The following ZNF215 variants were observed in gnomAD, a reference collection of about 807,000 sequenced individuals.
ZNF215 encodes BWSCR2-associated zinc finger protein 2.
ZNF215 carries 24 observed loss-of-function variants against 27.2 expected under a neutral mutation model. That is an observed-to-expected ratio of 0.88 (90% CI 0.64 to 1.24). ZNF215 has a LOEUF of 1.24. Among genes scored for constraint, ZNF215 ranks in the 50% most tolerant of loss-of-function variants. The pLI is 0.00. For synonymous variants in ZNF215, 210 were observed against 204.0 expected (o/e 1.03, Z -0.25); for missense variants, 675 against 605.7 (o/e 1.11, Z -1.20).
chr11:6,966,914 A>G (rs983415484), intron 5 of ZNF215, among the ~76,000 whole-genome samples: 4 of 151,810 alleles, frequency 2.6e-5, no homozygotes, highest in South Asian at 2.1e-4. Flanking sequence ...GCATCCATCA[A>G]CTCGTCATCT....
intron 5 of ZNF215, among the ~76,000 whole-genome samples, chr11:6,968,774 G>T (rs1462221883): frequency 2.0e-5 from 3 of 151,986 alleles, no homozygotes; most frequent in African/African-American, 7.2e-5. Flanking sequence ...GCTGAGGTGG[G>T]AGGATCACCT....
intron 5 of ZNF215, among the ~76,000 whole-genome samples, chr11:6,982,567 A>G (rs1220729683): frequency 1.3e-5 from 2 of 152,248 alleles, no homozygotes; most frequent in African/African-American, 4.8e-5. Flanking sequence ...CTCTCAGACC[A>G]CAATGCAATC....
intron 6 of ZNF215, among the ~76,000 whole-genome samples, chr11:6,946,086 T>C (rs1849806219): frequency 6.6e-6 from 1 of 152,162 alleles, no homozygotes; most frequent in South Asian, 2.1e-4. Flanking sequence ...TTCTCTAATA[T>C]TTGTTCCTAT....
intron 3 of ZNF215, 54 bp from the exon 4 acceptor site, chr11:6,941,517 A>G: frequency 6.8e-7 from 1 of 1,474,316 alleles, no homozygotes; most frequent in Non-Finnish European, 9.4e-7. Flanking sequence ...TAATTATTAG[A>G]AGTTGCTCCA....
chr11:6,932,136 G>A lies in ZNF215; in HGVS notation c.-137G>A. Reference sequence around the variant, plus strand: ...TATTGGCTTTGTGTCTAAAGTTTCTGGAACTTTCCTCCTTACCGTGAAATA... The same window carrying A: ...TATTGGCTTTGTGTCTAAAGTTTCTAGAACTTTCCTCCTTACCGTGAAATA... On this transcript the variant is annotated 5_prime_UTR_variant, in exon 3 of 7. Transcript: ENST00000278319. The A allele has an allele frequency of 2.7e-6, 3 of 1,126,354 alleles. No homozygotes were observed. The allele number at this position is 1,126,354 out of a possible 1,614,324, so 69.8% of individuals were successfully genotyped here.
intron 5 of ZNF215, among the ~76,000 whole-genome samples, chr11:6,966,306 A>C (rs114748893): frequency 0.01 from 1,533 of 152,252 alleles, 29 homozygotes; most frequent in African/African-American, 0.035. Context: ...AGTAGAGAAC[A>C]GTAGACATCG....
chr11:6,969,531 T>G (rs999540376), intron 5 of ZNF215, among the ~76,000 whole-genome samples: 4 of 152,164 alleles, frequency 2.6e-5, no homozygotes, highest in Non-Finnish European at 5.9e-5. Flanking sequence ...ATTTTGACTT[T>G]GGAATCATAT....
intron 5 of ZNF215, among the ~76,000 whole-genome samples, chr11:6,983,011 CA>C (rs1216880056): frequency 4.0e-5 from 6 of 149,246 alleles, no homozygotes; most frequent in Non-Finnish European, 8.9e-5. Flanking sequence ...AGACCACTAG[CA>C]AGACTAATAA....
chr11:6,982,149 G>C (rs560516195), intron 5 of ZNF215, among the ~76,000 whole-genome samples: 7 of 152,030 alleles, frequency 4.6e-5, no homozygotes, highest in Non-Finnish European at 8.8e-5. Flanking sequence ...TGTGAAGAAA[G>C]TCATTGGTAG....
chr11:6,979,193 C>CT (rs1850895963), intron 5 of ZNF215, among the ~76,000 whole-genome samples: 1 of 151,992 alleles, frequency 6.6e-6, no homozygotes, highest in South Asian at 2.1e-4. Context: ...TTGTCCAACT[C>CT]TATGATACTG....
At chr11:6,993,794 G>T (rs548373577), downstream of ZNF215, among the ~76,000 whole-genome samples, 1 of 152,142 alleles carries the variant, frequency 6.6e-6, no homozygotes, top group African/African-American at 2.4e-5. Context: ...CAATTTATTT[G>T]TAACCCAAAT....
downstream of ZNF215, among the ~76,000 whole-genome samples, chr11:6,958,454 C>T (rs1008910610): frequency 2.0e-5 from 3 of 152,168 alleles, no homozygotes; most frequent in African/African-American, 7.2e-5. Context: ...CTAAGTTTAA[C>T]ATAACATAGT....
At position 6,943,070 on chromosome 11, in the gene ZNF215, C is replaced by T. The variant is rs746332312; in HGVS notation, c.484-13C>T. On this transcript the variant is annotated splice_polypyrimidine_tract_variant and intron_variant, in intron 4 of 6. Transcript: ENST00000278319. ...AGTGACACCTTTGATTAAAAAGGAA[C>T]TTAATGTTTTAGGAACCAGTGACAT... 6.2e-7 allele frequency: 1 copy of T among 1,607,404 alleles called. No individual in the cohort carries two copies. Among genetic ancestry groups the T allele is most frequent in the East Asian group, 2.2e-5 (1 of 44,842 alleles).
chr11:6,964,631 C>T (rs549478515), intron 5 of ZNF215, among the ~76,000 whole-genome samples: 1 of 150,216 alleles, frequency 6.7e-6, no homozygotes, highest in South Asian at 2.1e-4. Context: ...ACATTAGTCT[C>T]TTGATTAATG....
At chr11:6,985,556 A>G (rs891416693), downstream of ZNF215, among the ~76,000 whole-genome samples, 2 of 152,226 alleles carry the variant, frequency 1.3e-5, no homozygotes, top group African/African-American at 4.8e-5. Flanking sequence ...CAATCAGGTA[A>G]GAGAAAGAAA....
chr11:6,991,205 C>A (rs1437837599), downstream of ZNF215, among the ~76,000 whole-genome samples: 2 of 152,224 alleles, frequency 1.3e-5, no homozygotes, highest in Non-Finnish European at 2.9e-5. Flanking sequence ...TGGTAGAGTT[C>A]TGGACAACCG....
chr11:6,955,584 T>A (rs1041737482), intron 6 of ZNF215, 106 bp from the exon 7 acceptor site: 1 of 1,185,080 alleles, frequency 8.4e-7, no homozygotes, highest in African/African-American at 1.6e-5. Flanking sequence ...ATTTCCATTC[T>A]GTATTTAAGA....
At chr11:6,959,520 G>A (rs1307651705), downstream of ZNF215, among the ~76,000 whole-genome samples, 1 of 152,202 alleles carries the variant, frequency 6.6e-6, no homozygotes, top group East Asian at 1.9e-4. Flanking sequence ...TGATATGGTT[G>A]ACTCATGACA....
chr11:6,958,194 G>C (rs1293964424), downstream of ZNF215: 1 of 477,358 alleles, frequency 2.1e-6, no homozygotes, highest in East Asian at 1.5e-4. Context: ...AAATTCTTGA[G>C]GTATGTTCAT....
Sources: allele counts gnomAD v4.1 joint callset (sites outside exome capture counted in the v4.1 genomes callset), GRCh38; gene constraint gnomAD v4.1.1; transcripts MANE v1.5; gene names NCBI Gene and HGNC (gene_info 2026-07-23, HGNC 2026-07-21).